Variants in PRKG1 observed in about 807,000 individuals in gnomAD.
The protein encoded by PRKG1 is cGMP-dependent protein kinase 1.
PRKG1 carries 35 observed loss-of-function variants against 88.1 expected under a neutral mutation model. The ratio of observed to expected loss-of-function variants is 0.40; its 90% CI spans 0.30 to 0.53. The LOEUF is 0.53. Ranked by LOEUF, PRKG1 falls within the 20% of genes least tolerant of loss-of-function variation. The probability of loss-of-function intolerance (pLI) is 0.59; values close to 1 mark genes in which losing one functional copy is unlikely to be tolerated. For synonymous variants in PRKG1, 303 were observed against 292.5 expected, an observed-to-expected ratio of 1.04 and a Z score of -0.37; for missense variants, 540 against 839.8, an observed-to-expected ratio of 0.64 and a Z score of 4.41.
At chr10:51,276,619 A>G (rs1192864369) in intron 2 of PRKG1, among the ~76,000 whole-genome samples, 2 of 152,152 alleles carry the variant, frequency 1.3e-5, no homozygotes, top group African/African-American at 2.4e-5. Context: ...CATCCTCTCC[A>G]GCACCTGTTG....
At chr10:51,541,370 G>A (rs1842297024) in intron 3 of PRKG1, among the ~76,000 whole-genome samples, 1 of 152,166 alleles carries the variant, frequency 6.6e-6, no homozygotes, top group Non-Finnish European at 1.5e-5. Context: ...GACCTGTACA[G>A]GTCCTTGGTT....
At chr10:51,387,831 T>C (rs780955010) in intron 2 of PRKG1, among the ~76,000 whole-genome samples, 5 of 152,170 alleles carry the variant, frequency 3.3e-5, no homozygotes, top group Admixed American at 6.5e-5. Flanking sequence ...TTTGGACTTA[T>C]CTAAGTTGCA....
chr10:51,040,311 CTTTTTTTTTTTT>C lies in PRKG1; in HGVS notation c.266+48681_266+48692del, dbSNP rs34444612. ...CTTTCTTGCTTTTTTTTCTTTTTCT[CTTTTTTTTTTTT>C]TTTTTTTTTTTTTGAGATGGCGTCT... On this transcript the variant is annotated intron_variant, in intron 1 of 17. Coordinates refer to the PRKG1 transcript ENST00000401604. Among the ~76,000 whole-genome samples the C allele has an allele frequency of 6.3e-4, 27 of 42,620 alleles. No homozygotes were observed. In the East Asian group the frequency reaches 0.019, roughly 29 times the overall value. The allele number at this position is 42,620 out of a possible 152,430, so 28.0% of individuals were successfully genotyped here.
intron 9 of PRKG1, among the ~76,000 whole-genome samples, chr10:52,200,648 T>C (rs1405732557): frequency 6.6e-6 from 1 of 152,240 alleles, no homozygotes; most frequent in East Asian, 1.9e-4. Context: ...CTTTCAGCAA[T>C]GGCTTAACTA....
chr10:51,631,460 C>A (rs766616652), intron 3 of PRKG1, among the ~76,000 whole-genome samples: 7 of 152,104 alleles, frequency 4.6e-5, no homozygotes, highest in Non-Finnish European at 8.8e-5. Context: ...GTACATCAAC[C>A]CACTTGCCAC....
chr10:51,759,469 G>A (rs1837962354), intron 3 of PRKG1, among the ~76,000 whole-genome samples: 1 of 152,082 alleles, frequency 6.6e-6, no homozygotes, highest in Non-Finnish European at 1.5e-5. Context: ...GTTTCACCAT[G>A]TTGGCCAGGT....
rs902073658 is a variant in PRKG1 at position 52,214,826 on chromosome 10, A to AAT, written c.1077-36742_1077-36741dup. On this transcript the variant is annotated intron_variant, in intron 9 of 17. Coordinates refer to ENST00000373980, the MANE Select transcript of PRKG1 (RefSeq NM_006258.4). ...GCTTTGGAAAGTTAAATCTAGAGAC[A>AAT]ATAGGAAGAAGATATGGAGCAGGTA... Among the ~76,000 whole-genome samples the AAT allele has an allele frequency of 3.3e-5, 5 of 152,138 alleles. No individual in the cohort carries two copies. The East Asian group carries it at 9.7e-4, about 29-fold the overall frequency.
chr10:51,728,193 G>C (rs1039015045), intron 3 of PRKG1, among the ~76,000 whole-genome samples: 1 of 151,886 alleles, frequency 6.6e-6, no homozygotes, highest in Admixed American at 6.6e-5. Context: ...TATTAAATTT[G>C]AGATTTTTTT....
intron 2 of PRKG1, among the ~76,000 whole-genome samples, chr10:51,425,840 C>T (rs962709169): frequency 2.0e-5 from 3 of 152,210 alleles, no homozygotes; most frequent in Non-Finnish European, 4.4e-5. Flanking sequence ...TCCAGCCATA[C>T]ATATGTCAGC....
chr10:52,283,441 T>C (rs142023878), intron 14 of PRKG1, among the ~76,000 whole-genome samples: 4 of 152,248 alleles, frequency 2.6e-5, no homozygotes, highest in African/African-American at 9.6e-5. Context: ...AGTGCATACA[T>C]GAAACACTTA....
At chr10:52,251,282 C>A (rs1841163273) in intron 9 of PRKG1, among the ~76,000 whole-genome samples, 1 of 152,116 alleles carries the variant, frequency 6.6e-6, no homozygotes, top group African/African-American at 2.4e-5. Flanking sequence ...TAGAAAAAGA[C>A]CACCATGTAA....
intron 3 of PRKG1, among the ~76,000 whole-genome samples, chr10:51,761,904 T>C (rs983874053): frequency 1.3e-5 from 2 of 152,204 alleles, no homozygotes; most frequent in African/African-American, 4.8e-5. Context: ...ATTATGTTTT[T>C]AAAAAAGATT....
At chr10:51,935,789 C>T (rs1054697788) in intron 5 of PRKG1, among the ~76,000 whole-genome samples, 2 of 152,110 alleles carry the variant, frequency 1.3e-5, no homozygotes, top group Admixed American at 6.6e-5. Flanking sequence ...CCTTTACAAG[C>T]TATGAGTCTT....
intron 3 of PRKG1, among the ~76,000 whole-genome samples, chr10:51,729,315 A>G (rs1842214056): frequency 6.6e-6 from 1 of 152,202 alleles, no homozygotes; most frequent in African/African-American, 2.4e-5. Flanking sequence ...GCATAACTCA[A>G]ACATTTTTCT....
At chr10:51,965,241 A>G (rs1488580659) in intron 5 of PRKG1, among the ~76,000 whole-genome samples, 1 of 151,748 alleles carries the variant, frequency 6.6e-6, no homozygotes. Flanking sequence ...CCCACTCTCC[A>G]CCCTCTGATA....
At chr10:51,666,441 A>G (rs1006484417) in intron 3 of PRKG1, among the ~76,000 whole-genome samples, 4 of 152,216 alleles carry the variant, frequency 2.6e-5, no homozygotes, top group Admixed American at 2.6e-4. Context: ...ACTAAAAGTG[A>G]GTGAATCCTT....
intron 3 of PRKG1, among the ~76,000 whole-genome samples, chr10:51,636,524 G>C (rs1839659858): frequency 6.6e-6 from 1 of 152,156 alleles, no homozygotes; most frequent in Non-Finnish European, 1.5e-5. Context: ...ATCAAATATT[G>C]TGCATGATAT....
At chr10:52,110,329 C>A (rs1252229180) in intron 7 of PRKG1, among the ~76,000 whole-genome samples, 1 of 152,074 alleles carries the variant, frequency 6.6e-6, no homozygotes, top group South Asian at 2.1e-4. Context: ...GAGACTCCAT[C>A]TCAGAAAAAA....
At chr10:51,991,847 A>G (rs758279780) in intron 5 of PRKG1, among the ~76,000 whole-genome samples, 1 of 152,216 alleles carries the variant, frequency 6.6e-6, no homozygotes, top group South Asian at 2.1e-4. Context: ...ATACGTGTGC[A>G]TGTGTCTTTA....
Sources: gnomAD v4.1 joint callset for allele counts (sites outside exome capture counted in the v4.1 genomes callset) on GRCh38, gnomAD v4.1.1 for gene constraint, MANE v1.5 for transcripts, NCBI Gene and HGNC (gene_info 2026-07-23, HGNC 2026-07-21) for gene names.